MIPEP: variants seen among roughly 807,000 people sequenced by gnomAD.
The protein encoded by MIPEP is mitochondrial intermediate peptidase.
A neutral mutation model predicts 90.3 loss-of-function variants in MIPEP; 79 were observed. That is an observed-to-expected ratio of 0.87 (90% CI 0.73 to 1.05). The LOEUF (loss-of-function observed/expected upper bound fraction) is 1.05, where lower values mean the gene tolerates loss of function less well. MIPEP is among the 50% of genes least tolerant of loss of function. The pLI is 0.00. For missense variants in MIPEP, 940 were observed against 905.6 expected (o/e 1.04, Z -0.49); for synonymous variants, 334 against 315.8 (o/e 1.06, Z -0.61).
At position 23,841,357 on chromosome 13, in the gene MIPEP, C is replaced by T; in HGVS notation, c.1238G>A (p.Trp413Ter). Residue 413 changes from tryptophan (W) to a stop codon, truncating the protein, a stop_gained, in exon 11 of 19, where the codon TGG (tryptophan) becomes TAG (stop). Transcript: ENST00000382172. LOFTEE classifies it high-confidence loss of function. ...CACCAGTTTTCGGACATCTTCGCTC[C>T]ACACCTCTCCTTTTGCAGGCTGCTC... ...YAEQPAKGEV[W>*]SEDVRKLAVV... 6.2e-7 allele frequency: 1 copy of T among 1,613,136 alleles called. No homozygotes were observed. Among genetic ancestry groups the T allele is most frequent in the South Asian group, 1.1e-5 (1 of 90,728 alleles).
rs1870712664 is a variant in MIPEP at position 23,870,009 on chromosome 13, A to G, written c.786+4T>C. ...AAACAACAAAGAGAATGAAACATAC[A>G]TACCAAGTCATCTGGTGATTCTGCG... On this transcript the variant is annotated splice_donor_region_variant and intron_variant, in intron 6 of 18. Coordinates refer to ENST00000382172, the MANE Select transcript of MIPEP (RefSeq NM_005932.4). The G allele has an allele frequency of 1.3e-6, 2 of 1,585,746 alleles. No homozygotes were observed. The highest frequency in any genetic ancestry group is 8.6e-7 in the Non-Finnish European group (1 of 1,164,948).
Position 23,837,569 on chromosome 13 carries a change from C to T in MIPEP, c.1526G>A (p.Arg509His), listed in dbSNP as rs369521380. Reference sequence around the variant, plus strand: ...TGGCTCACCAGTGACGTGTTGGTAACGAGTACGTCCTAGCATTGAATGCAT... The same window carrying T: ...TGGCTCACCAGTGACGTGTTGGTAATGAGTACGTCCTAGCATTGAATGCAT... ...HAMHSMLGRTRYQHVTGTRCP... is the reference protein window; with the variant it reads ...HAMHSMLGRTHYQHVTGTRCP... The change falls in exon 13 of 19, where the codon CGT becomes CAT. Residue 509 changes from arginine to histidine, a missense_variant. Transcript: ENST00000382172. 146 of 1,611,534 alleles carry T rather than the reference C, an allele frequency of 9.1e-5. 1 individual carries two copies. Among genetic ancestry groups the T allele is most frequent in the Middle Eastern group, 1.6e-4 (1 of 6,068 alleles).
intron 10 of MIPEP, among the ~76,000 whole-genome samples, chr13:23,843,118 A>T (rs1349915612): frequency 6.6e-6 from 1 of 151,742 alleles, no homozygotes; most frequent in Admixed American, 6.6e-5. Flanking sequence ...AAAAAAAAAA[A>T]AGGAATCAGA....
intron 16 of MIPEP, among the ~76,000 whole-genome samples, chr13:23,770,681 C>T (rs1952639585): frequency 6.6e-6 from 1 of 152,182 alleles, no homozygotes; most frequent in Non-Finnish European, 1.5e-5. Context: ...GCCACTCACC[C>T]ACCACCAGAG....
chr13:23,818,526 A>G (rs2137424729), intron 14 of MIPEP, among the ~76,000 whole-genome samples: 1 of 152,364 alleles, frequency 6.6e-6, no homozygotes, highest in Admixed American at 6.5e-5. Flanking sequence ...CCCTGGAACC[A>G]GAATAGGTTC....
chr13:23,851,600 C>T (rs753196247), intron 10 of MIPEP, among the ~76,000 whole-genome samples: 1 of 152,192 alleles, frequency 6.6e-6, no homozygotes, highest in African/African-American at 2.4e-5. Context: ...AAACCCTCAT[C>T]GCAGACTGCA....
At chr13:23,792,114 C>CT (rs1273332324) in intron 16 of MIPEP, among the ~76,000 whole-genome samples, 2 of 152,150 alleles carry the variant, frequency 1.3e-5, no homozygotes, top group South Asian at 2.1e-4. Context: ...CTGTCCCCGC[C>CT]TCTAAATGTT....
intron 18 of MIPEP, among the ~76,000 whole-genome samples, chr13:23,746,558 A>G (rs1016535136): frequency 1.3e-5 from 2 of 150,694 alleles, no homozygotes; most frequent in East Asian, 4.0e-4. Context: ...CACTTGAACC[A>G]AGGAGGCAGA....
At chr13:23,845,168 T>C (rs1398467060) in intron 10 of MIPEP, among the ~76,000 whole-genome samples, 8 of 152,240 alleles carry the variant, frequency 5.3e-5, no homozygotes. Flanking sequence ...ATGATATGTA[T>C]TTTTACACAT....
At chr13:23,760,537 A>T (rs752511894) in intron 16 of MIPEP, 1 of 562,016 alleles carries the variant, frequency 1.8e-6, no homozygotes, top group Non-Finnish European at 3.6e-6. Context: ...ACTCACTGGT[A>T]TCTTGGAAGA....
At chr13:23,769,780 T>C (rs892658268) in intron 16 of MIPEP, among the ~76,000 whole-genome samples, 17 of 152,306 alleles carry the variant, frequency 1.1e-4, no homozygotes, top group African/African-American at 3.8e-4. Flanking sequence ...CCAAAACTCA[T>C]GTTGAAACTT....
intron 4 of MIPEP, among the ~76,000 whole-genome samples, chr13:23,878,019 C>T (rs1228480368): frequency 6.6e-6 from 1 of 152,150 alleles, no homozygotes; most frequent in African/African-American, 2.4e-5. Context: ...CCTATCACTA[C>T]AAGTCCTTTC....
At chr13:23,787,170 G>A (rs1952851744) in intron 16 of MIPEP, among the ~76,000 whole-genome samples, 1 of 152,174 alleles carries the variant, frequency 6.6e-6, no homozygotes, top group African/African-American at 2.4e-5. Flanking sequence ...AATGTACAAA[G>A]TTTAAACTAC....
At chr13:23,825,142 G>T (rs1162950918) in intron 14 of MIPEP, among the ~76,000 whole-genome samples, 2 of 152,188 alleles carry the variant, frequency 1.3e-5, no homozygotes, top group Admixed American at 6.5e-5. Flanking sequence ...TTCAATGACT[G>T]GTCTAAAGCC....
chr13:23,777,887 T>C (rs996263457), intron 16 of MIPEP, among the ~76,000 whole-genome samples: 5 of 152,220 alleles, frequency 3.3e-5, no homozygotes, highest in South Asian at 2.1e-4. Context: ...TCATGTTCAT[T>C]TAAATTCAAT....
intron 13 of MIPEP, among the ~76,000 whole-genome samples, 165 bp downstream of exon 13, chr13:23,837,387 C>A (rs981731555): frequency 2.6e-5 from 4 of 152,182 alleles, no homozygotes; most frequent in African/African-American, 9.7e-5. Flanking sequence ...CATGGAAGAT[C>A]AGGCTGCACA....
intron 9 of MIPEP, among the ~76,000 whole-genome samples, chr13:23,859,157 A>G (rs1213652508): frequency 6.6e-6 from 1 of 152,226 alleles, no homozygotes; most frequent in Admixed American, 6.5e-5. Context: ...AAAGACAAAC[A>G]AATGTCATTC....
At chr13:23,858,055 A>T (rs1457444305) in intron 10 of MIPEP, among the ~76,000 whole-genome samples, 1 of 152,200 alleles carries the variant, frequency 6.6e-6, no homozygotes, top group Non-Finnish European at 1.5e-5. Flanking sequence ...CTTAAACAGC[A>T]TATCTCAAAA....
chr13:23,764,562 T>C (rs1007249620), intron 16 of MIPEP, among the ~76,000 whole-genome samples: 1 of 152,174 alleles, frequency 6.6e-6, no homozygotes, highest in Non-Finnish European at 1.5e-5. Flanking sequence ...ATTATACTCT[T>C]TTTAAATTTT....
Sources: gnomAD v4.1 joint callset for allele counts (sites outside exome capture counted in the v4.1 genomes callset) on GRCh38, gnomAD v4.1.1 for gene constraint, MANE v1.5 for transcripts, NCBI Gene and HGNC (gene_info 2026-07-23, HGNC 2026-07-21) for gene names.